Variants in CAP2 observed in about 807,000 individuals in gnomAD.
CAP2 encodes the protein adenylyl cyclase-associated protein 2.
Under a neutral mutation model 57.7 loss-of-function variants are expected in CAP2, and 24 were observed. The ratio of observed to expected loss-of-function variants is 0.42; its 90% CI spans 0.30 to 0.58. The LOEUF (loss-of-function observed/expected upper bound fraction) is 0.58, where lower values mean the gene tolerates loss of function less well. Among genes scored for constraint, CAP2 ranks in the 20% least tolerant of loss-of-function variants. The probability of loss-of-function intolerance (pLI) is 0.22; values close to 1 mark genes in which losing one functional copy is unlikely to be tolerated. For missense variants in CAP2, 501 were observed against 590.3 expected (o/e 0.85, Z 1.57); for synonymous variants, 194 against 207.2 (o/e 0.94, Z 0.55).
Position 17,463,056 on chromosome 6 carries a change from T to G in CAP2, c.283T>G (p.Tyr95Asp). ...GGCTTTCCTTCTGATGGCCTCTCAG[T>G]ACCAACAACCCCACGAGGTAAGAGA... Reference protein sequence around the residue: ...QRAFLLMASQYQQPHENDVAA... With the variant: ...QRAFLLMASQDQQPHENDVAA... The change falls in exon 4 of 13, where the codon TAC (tyrosine) becomes GAC (aspartate). Residue 95 changes from tyrosine (Y) to aspartate (D), a missense_variant. By Grantham distance (160) the Tyr-to-Asp change is radical. Coordinates refer to ENST00000229922, the MANE Select transcript of CAP2 (RefSeq NM_006366.3). 6.2e-7 allele frequency: 1 copy of G among 1,613,218 alleles called. No individual in the cohort carries two copies. Among genetic ancestry groups the G allele is most frequent in the Middle Eastern group, 1.7e-4 (1 of 6,052 alleles).
intron 11 of CAP2, among the ~76,000 whole-genome samples, chr6:17,548,372 AAAAAG>A (rs967926289): frequency 1.3e-5 from 2 of 152,076 alleles, no homozygotes; most frequent in Non-Finnish European, 2.9e-5. Flanking sequence ...TCTCAAAAAA[AAAAAG>A]AAAGAAAGAA....
At chr6:17,540,720 C>T (rs957677004) in intron 8 of CAP2, among the ~76,000 whole-genome samples, 7 of 152,190 alleles carry the variant, frequency 4.6e-5, no homozygotes, top group African/African-American at 1.7e-4. Context: ...CGCCACTGCA[C>T]TCCAGCCTAG....
chr6:17,444,804 C>CCACACACA (rs142931025), intron 3 of CAP2, among the ~76,000 whole-genome samples: 12,814 of 140,366 alleles, frequency 0.091, 587 homozygotes, highest in East Asian at 0.13. Context: ...TTCTCTCTCT[C>CCACACACA]CACACACACA....
intron 1 of CAP2, among the ~76,000 whole-genome samples, chr6:17,397,150 C>A (rs537418977): frequency 1.4e-4 from 21 of 152,192 alleles, no homozygotes; most frequent in Admixed American, 5.2e-4. Flanking sequence ...ACCTCCGCCT[C>A]TCAGGTTCAA....
intron 7 of CAP2, among the ~76,000 whole-genome samples, chr6:17,514,529 C>T (rs1762226947): frequency 6.6e-6 from 1 of 152,056 alleles, no homozygotes; most frequent in African/African-American, 2.4e-5. Context: ...GTGGGCAGAT[C>T]ACCTGAGGTC....
chr6:17,428,249 G>T (rs539202824), intron 3 of CAP2, among the ~76,000 whole-genome samples: 1 of 152,270 alleles, frequency 6.6e-6, no homozygotes, highest in South Asian at 2.1e-4. Context: ...TAGCCTGCCA[G>T]TTTTAGACAC....
chr6:17,422,871 A>G (rs748065609), intron 2 of CAP2, among the ~76,000 whole-genome samples: 3 of 152,238 alleles, frequency 2.0e-5, no homozygotes, highest in Admixed American at 6.5e-5. Context: ...AAAATAAAGG[A>G]CAACCAATTA....
intron 4 of CAP2, among the ~76,000 whole-genome samples, chr6:17,494,121 C>T (rs193185416): frequency 4.6e-5 from 7 of 152,302 alleles, no homozygotes; most frequent in Non-Finnish European, 8.8e-5. Context: ...GTCTCGAATA[C>T]GATGTCCCTA....
At chr6:17,489,848 G>A (rs1179177031) in intron 4 of CAP2, among the ~76,000 whole-genome samples, 2 of 151,864 alleles carry the variant, frequency 1.3e-5, no homozygotes. Flanking sequence ...CATCATGATA[G>A]TTGTGCCATT....
intron 4 of CAP2, among the ~76,000 whole-genome samples, chr6:17,503,741 C>T (rs1164560529): frequency 6.6e-6 from 1 of 151,976 alleles, no homozygotes; most frequent in Non-Finnish European, 1.5e-5. Context: ...AAGATCCTTT[C>T]TCCAAATATG....
At position 17,502,861 on chromosome 6, in the gene CAP2, G is replaced by A. The variant is rs1761862993; in HGVS notation, c.301-4308G>A. ...GGAGAAAATTAGGAAGCTTTTTTTAGTAGTTCTGCCATCATTAAAAATCAG... is the reference window on the plus strand; with the variant it reads ...GGAGAAAATTAGGAAGCTTTTTTTAATAGTTCTGCCATCATTAAAAATCAG... On this transcript the variant is annotated intron_variant, in intron 4 of 12. Transcript: ENST00000229922. 2.6e-5 allele frequency among the ~76,000 whole-genome samples: 4 copies of A among 152,254 alleles called. No homozygotes were observed. In the South Asian group the frequency reaches 8.3e-4, roughly 32 times the overall value.
intron 1 of CAP2, among the ~76,000 whole-genome samples, chr6:17,402,228 C>T (rs956956158): frequency 1.3e-5 from 2 of 152,172 alleles, no homozygotes; most frequent in African/African-American, 4.8e-5. Context: ...AATCACCTTC[C>T]TCTTGCTTTC....
chr6:17,515,249 AC>A (rs1358558238), intron 7 of CAP2, among the ~76,000 whole-genome samples: 4 of 152,150 alleles, frequency 2.6e-5, no homozygotes, highest in Non-Finnish European at 5.9e-5. Flanking sequence ...AGGTTTGAAG[AC>A]AGGTGTACAT....
At position 17,477,623 on chromosome 6, in the gene CAP2, C is replaced by T. The variant is rs541583002; in HGVS notation, c.300+14550C>T. Among the ~76,000 whole-genome samples, 78 of 152,262 alleles carry T rather than the reference C, an allele frequency of 5.1e-4. 1 individual carries two copies. Among genetic ancestry groups the T allele is most frequent in the African/African-American group, 1.7e-3 (71 of 41,550 alleles). ...CTCAAGGAGTCTGGAAGAGGGTTTC[C>T]TCCCCATATTTAGGGGATGCACAGA... On this transcript the variant is annotated intron_variant, in intron 4 of 12. Coordinates refer to ENST00000229922, the MANE Select transcript of CAP2 (RefSeq NM_006366.3).
intron 4 of CAP2, among the ~76,000 whole-genome samples, chr6:17,471,156 G>C (rs1011530841): frequency 3.3e-5 from 5 of 152,168 alleles, no homozygotes; most frequent in African/African-American, 1.2e-4. Context: ...AATTGCAAAG[G>C]AAAAGCAAAC....
chr6:17,447,401 T>C (rs1422241189), intron 3 of CAP2, among the ~76,000 whole-genome samples: 3 of 152,124 alleles, frequency 2.0e-5, no homozygotes, highest in African/African-American at 7.2e-5. Flanking sequence ...AGAGAGGCAA[T>C]TTTTTAAAAG....
chr6:17,490,478 A>G (rs1761518056), intron 4 of CAP2, among the ~76,000 whole-genome samples: 1 of 152,258 alleles, frequency 6.6e-6, no homozygotes, highest in African/African-American at 2.4e-5. Flanking sequence ...TGATGTGTAC[A>G]TGTAGTTTAT....
At chr6:17,445,023 G>A (rs1304900770) in intron 3 of CAP2, among the ~76,000 whole-genome samples, 1 of 152,100 alleles carries the variant, frequency 6.6e-6, no homozygotes, top group African/African-American at 2.4e-5. Context: ...CCAATATATT[G>A]ACTTATAATC....
intron 1 of CAP2, among the ~76,000 whole-genome samples, chr6:17,418,284 G>T (rs1340495305): frequency 1.3e-5 from 2 of 152,324 alleles, no homozygotes; most frequent in South Asian, 4.1e-4. Flanking sequence ...CTTAGAAACT[G>T]TTCTGAAAGT....
Sources: allele counts gnomAD v4.1 joint callset (sites outside exome capture counted in the v4.1 genomes callset), GRCh38; gene constraint gnomAD v4.1.1; transcripts MANE v1.5; gene names NCBI Gene and HGNC (gene_info 2026-07-23, HGNC 2026-07-21).